Variants in PDGFC observed in about 807,000 individuals in gnomAD.
PDGFC encodes platelet derived growth factor C.
PDGFC carries 12 observed loss-of-function variants against 35.5 expected under a neutral mutation model. The observed-to-expected ratio is 0.34, with a 90% CI of 0.22 to 0.55. PDGFC has a LOEUF of 0.55. Among genes scored for constraint, PDGFC ranks in the 20% least tolerant of loss-of-function variants. PDGFC has a pLI of 0.91. For missense variants in PDGFC, 322 were observed against 412.4 expected, an observed-to-expected ratio of 0.78 and a Z score of 1.90; for synonymous variants, 159 against 148.8, an observed-to-expected ratio of 1.07 and a Z score of -0.50.
chr4:156,884,196 G>A (rs1366846111), intron 1 of PDGFC, among the ~76,000 whole-genome samples: 1 of 152,146 alleles, frequency 6.6e-6, no homozygotes, highest in African/African-American at 2.4e-5. Flanking sequence ...TTTGGGAAGG[G>A]CATTTCCTAT....
In PDGFC at chr4:156,767,896, G is replaced by A. The variant is rs999173362; in HGVS notation, c.798C>T (p.Thr266=). Residue 266 remains threonine, a synonymous_variant, in exon 5 of 6, where the codon ACC becomes ACT. Coordinates refer to ENST00000502773, the MANE Select transcript of PDGFC (RefSeq NM_016205.3). ...GACAACCTGGCCAGAAAATGGTATCGGTTCTCTTTAGTTCTTCCCTTATGG... is the reference window on the plus strand; with the variant it reads ...GACAACCTGGCCAGAAAATGGTATCAGTTCTCTTTAGTTCTTCCCTTATGG... ...SVSIREELKR[T]DTIFWPGCLL... 3.1e-6 allele frequency: 5 copies of A among 1,612,598 alleles called. No individual in the cohort carries two copies. Among genetic ancestry groups the A allele is most frequent in the Admixed American group, 1.7e-5 (1 of 59,948 alleles).
intron 1 of PDGFC, among the ~76,000 whole-genome samples, chr4:156,964,300 C>G (rs1383950403): frequency 6.6e-6 from 1 of 151,268 alleles, no homozygotes; most frequent in Non-Finnish European, 1.5e-5. Context: ...GCTTAAAGTA[C>G]AGTTCTAACA....
chr4:156,946,404 G>C (rs576202595), intron 1 of PDGFC, among the ~76,000 whole-genome samples: 1 of 152,082 alleles, frequency 6.6e-6, no homozygotes, highest in South Asian at 2.1e-4. Context: ...CATCCAAGAT[G>C]ATTTCATTTA....
chr4:156,891,267 G>A (rs371646648), intron 1 of PDGFC, among the ~76,000 whole-genome samples: 10 of 104,830 alleles, frequency 9.5e-5, no homozygotes, highest in East Asian at 6.4e-4. Context: ...GCGACAGAGC[G>A]AGACTCCGTC....
At chr4:156,773,429 T>C (rs1413318126) in intron 3 of PDGFC, among the ~76,000 whole-genome samples, 1 of 152,204 alleles carries the variant, frequency 6.6e-6, no homozygotes, top group Non-Finnish European at 1.5e-5. Context: ...ATAAATTGCC[T>C]ACAATATATT....
intron 3 of PDGFC, among the ~76,000 whole-genome samples, chr4:156,782,595 T>C (rs533443704): frequency 6.6e-6 from 1 of 152,294 alleles, no homozygotes; most frequent in South Asian, 2.1e-4. Flanking sequence ...CTGAACACTT[T>C]CAAAAAATAA....
At chr4:156,917,227 T>G (rs567975186) in intron 1 of PDGFC, among the ~76,000 whole-genome samples, 1 of 152,204 alleles carries the variant, frequency 6.6e-6, no homozygotes, top group Non-Finnish European at 1.5e-5. Flanking sequence ...GGGGAACTGA[T>G]TGAATGATTC....
At chr4:156,854,137 C>A (rs1729519673) in intron 1 of PDGFC, among the ~76,000 whole-genome samples, 1 of 152,066 alleles carries the variant, frequency 6.6e-6, no homozygotes, top group Non-Finnish European at 1.5e-5. Flanking sequence ...TAAAAATAAT[C>A]CTTCTCATTT....
At chr4:156,811,303 T>C (rs1392629173) in intron 2 of PDGFC, among the ~76,000 whole-genome samples, 2 of 152,136 alleles carry the variant, frequency 1.3e-5, no homozygotes, top group East Asian at 3.9e-4. Context: ...GGAGCAACCC[T>C]ATCTGACATT....
chr4:156,850,812 A>C (rs1194510963), intron 1 of PDGFC, among the ~76,000 whole-genome samples: 1 of 125,056 alleles, frequency 8.0e-6, no homozygotes. Context: ...ACAAATAATG[A>C]TTTTAATTCT....
At chr4:156,824,239 T>C (rs929339118) in intron 2 of PDGFC, among the ~76,000 whole-genome samples, 1 of 148,646 alleles carries the variant, frequency 6.7e-6, no homozygotes, top group African/African-American at 2.5e-5. Flanking sequence ...CCTTCTTATC[T>C]GTGGGAGTAA....
In PDGFC at chr4:156,762,793, G is replaced by T. The variant is rs906083654; in HGVS notation, c.*297C>A. ...ACTGAAATACAGAACCCAGCTAGTG[G>T]AATACGTACATGGTAACTCTGAAAC... On this transcript the variant is annotated 3_prime_UTR_variant, in exon 6 of 6. Coordinates refer to ENST00000502773, the MANE Select transcript of PDGFC (RefSeq NM_016205.3). 2 of 249,286 alleles carry T rather than the reference G, an allele frequency of 8.0e-6. No individual in the cohort carries two copies. Among genetic ancestry groups the T allele is most frequent in the African/African-American group, 2.2e-5 (1 of 45,606 alleles). 15.4% of individuals were successfully genotyped at this position (249,286 alleles called of 1,614,324 possible).
chr4:156,899,203 C>T (rs1730707810), intron 1 of PDGFC, among the ~76,000 whole-genome samples: 1 of 152,172 alleles, frequency 6.6e-6, no homozygotes, highest in East Asian at 1.9e-4. Context: ...GAAATTGTCT[C>T]GTACCCAGTA....
chr4:156,787,363 T>C (rs1180486755), intron 3 of PDGFC, among the ~76,000 whole-genome samples: 3 of 152,018 alleles, frequency 2.0e-5, no homozygotes, highest in African/African-American at 7.2e-5. Flanking sequence ...AAGAGGAGGA[T>C]TGAGGATTTT....
chr4:156,824,323 TATATACACACACAC>T (rs1732371843), intron 2 of PDGFC, among the ~76,000 whole-genome samples: 2 of 95,782 alleles, frequency 2.1e-5, no homozygotes, highest in African/African-American at 1.0e-4. Flanking sequence ...TATATATATA[TATATACACACACAC>T]ACACACACAC....
intron 2 of PDGFC, among the ~76,000 whole-genome samples, chr4:156,832,348 T>A (rs1296696886): frequency 6.8e-6 from 1 of 147,614 alleles, no homozygotes; most frequent in Non-Finnish European, 1.5e-5. Context: ...TCTCCGCCTC[T>A]CGGGTTCAAG....
At chr4:156,786,467 A>T (rs1381513840) in intron 3 of PDGFC, among the ~76,000 whole-genome samples, 1 of 152,230 alleles carries the variant, frequency 6.6e-6, no homozygotes, top group Non-Finnish European at 1.5e-5. Context: ...TGTGAGGAAG[A>T]TTATCCCATG....
intron 1 of PDGFC, among the ~76,000 whole-genome samples, chr4:156,948,791 C>T (rs1455311897): frequency 2.0e-5 from 3 of 151,908 alleles, no homozygotes; most frequent in African/African-American, 2.4e-5. Flanking sequence ...TGGGGGCATA[C>T]ATAAAAATAT....
chr4:156,894,529 A>T (rs1227446652), intron 1 of PDGFC, among the ~76,000 whole-genome samples: 3 of 152,218 alleles, frequency 2.0e-5, no homozygotes, highest in Admixed American at 6.5e-5. Context: ...AATTTTAAAA[A>T]TTCAGCAATA....
Sources: gnomAD v4.1 joint callset for allele counts (sites outside exome capture counted in the v4.1 genomes callset) on GRCh38, gnomAD v4.1.1 for gene constraint, MANE v1.5 for transcripts, NCBI Gene and HGNC (gene_info 2026-07-23, HGNC 2026-07-21) for gene names.